DCUN1D1: variants seen among roughly 807,000 people sequenced by gnomAD.
The protein encoded by DCUN1D1 is defective in cullin neddylation 1 domain containing 1.
Under a neutral mutation model 39.0 loss-of-function variants are expected in DCUN1D1, and 3 were observed. That is an observed-to-expected ratio of 0.08 (90% CI 0.04 to 0.20). The LOEUF is 0.20. Ranked by LOEUF, DCUN1D1 falls within the 10% of genes least tolerant of loss-of-function variation. The probability of loss-of-function intolerance (pLI) is 1.00; values close to 1 mark genes in which losing one functional copy is unlikely to be tolerated. For missense variants in DCUN1D1, 158 were observed against 302.4 expected (o/e 0.52, Z 3.54); for synonymous variants, 82 against 96.3 (o/e 0.85, Z 0.87).
At chr3:182,948,518 G>A (rs1435184428) in intron 4 of DCUN1D1, among the ~76,000 whole-genome samples, 1 of 152,182 alleles carries the variant, frequency 6.6e-6, no homozygotes, top group African/African-American at 2.4e-5. Context: ...TCACATGACA[G>A]AGAACTACAC....
chr3:182,955,165 CG>C (rs931824379), intron 4 of DCUN1D1, among the ~76,000 whole-genome samples: 1 of 151,948 alleles, frequency 6.6e-6, no homozygotes, highest in African/African-American at 2.4e-5. Flanking sequence ...CTCAGCCTTC[CG>C]AGTAGCTAGG....
chr3:182,960,764 G>A (rs1468410923), intron 4 of DCUN1D1, among the ~76,000 whole-genome samples: 1 of 152,136 alleles, frequency 6.6e-6, no homozygotes, highest in Admixed American at 6.5e-5. Flanking sequence ...TGGATAATAA[G>A]ACTATGAATG....
At chr3:182,954,397 A>C (rs1234198997) in intron 4 of DCUN1D1, among the ~76,000 whole-genome samples, 1 of 152,220 alleles carries the variant, frequency 6.6e-6, no homozygotes, top group African/African-American at 2.4e-5. Context: ...GAACAGAAAC[A>C]TGGGTAGTAA....
At chr3:182,963,841 C>A in intron 3 of DCUN1D1, 40 bp downstream of exon 3, 1 of 1,478,166 alleles carries the variant, frequency 6.8e-7, no homozygotes, top group Non-Finnish European at 9.2e-7. Flanking sequence ...TTCAGTTCCA[C>A]AGTAACATAT....
intron 1 of DCUN1D1, among the ~76,000 whole-genome samples, chr3:182,970,153 G>A (rs1312332849): frequency 6.6e-6 from 1 of 152,030 alleles, no homozygotes; most frequent in Non-Finnish European, 1.5e-5. Flanking sequence ...AGCTACATGG[G>A]AGGCTGAGGT....
chr3:182,962,227 G>A (rs1325942735), intron 3 of DCUN1D1, among the ~76,000 whole-genome samples: 8 of 152,220 alleles, frequency 5.3e-5, no homozygotes, highest in Non-Finnish European at 1.2e-4. Context: ...TTCAGGATGG[G>A]CCTGGCTTTG....
At chr3:182,954,288 T>A (rs533130927) in intron 4 of DCUN1D1, among the ~76,000 whole-genome samples, 1 of 152,350 alleles carries the variant, frequency 6.6e-6, no homozygotes. Context: ...TTCACAGAAC[T>A]ATTTTGCTAC....
At chr3:182,980,543 G>C, upstream of DCUN1D1, 1 of 1,190,130 alleles carries the variant, frequency 8.4e-7, no homozygotes, top group Non-Finnish European at 1.1e-6. Context: ...GCGAATGGAC[G>C]GCGGCGGCGG....
intron 4 of DCUN1D1, chr3:182,955,463 T>C (rs1035049393): frequency 2.0e-5 from 11 of 539,634 alleles, no homozygotes; most frequent in Non-Finnish European, 4.1e-5. Context: ...CGTTATGAGA[T>C]AAGAATCCTC....
At chr3:182,976,450 C>T (rs1289633856) in intron 1 of DCUN1D1, among the ~76,000 whole-genome samples, 6 of 33,648 alleles carry the variant, frequency 1.8e-4, no homozygotes, top group Admixed American at 1.1e-3. Context: ...TACATACACA[C>T]ACACACACAC....
chr3:182,980,076 C>G (rs1728455502), intron 1 of DCUN1D1: 1 of 891,566 alleles, frequency 1.1e-6, no homozygotes. Flanking sequence ...GGCTACTCAC[C>G]CGGAACCCCA....
intron 1 of DCUN1D1, among the ~76,000 whole-genome samples, chr3:182,970,325 G>A (rs1053804805): frequency 2.0e-5 from 3 of 151,964 alleles, no homozygotes; most frequent in Non-Finnish European, 4.4e-5. Context: ...TTTATCTGAA[G>A]AAAAAATAAT....
intron 1 of DCUN1D1, among the ~76,000 whole-genome samples, chr3:182,965,967 T>C (rs550630744): frequency 7.2e-5 from 11 of 152,090 alleles, no homozygotes; most frequent in African/African-American, 2.7e-4. Context: ...GGAAGAGAAA[T>C]AGGACAGAAG....
At chr3:182,975,864 A>C (rs1429585802) in intron 1 of DCUN1D1, among the ~76,000 whole-genome samples, 1 of 151,164 alleles carries the variant, frequency 6.6e-6, no homozygotes, top group African/African-American at 2.4e-5. Context: ...AAAAAAAAAA[A>C]AAAAAAAAAA....
intron 4 of DCUN1D1, 48 bp from the exon 5 acceptor site, chr3:182,947,680 T>G (rs1257451442): frequency 9.0e-7 from 1 of 1,116,238 alleles, no homozygotes; most frequent in East Asian, 2.5e-5. Flanking sequence ...TAAATATTTG[T>G]CCCTGCAAAA....
chr3:182,977,926 G>A (rs1728323433), intron 1 of DCUN1D1, among the ~76,000 whole-genome samples: 1 of 151,646 alleles, frequency 6.6e-6, no homozygotes, highest in Admixed American at 6.6e-5. Context: ...TATAATCCCA[G>A]CTACTTGGGA....
chr3:182,956,204 G>T, intron 4 of DCUN1D1: 1 of 256,320 alleles, frequency 3.9e-6, no homozygotes, highest in Non-Finnish European at 8.0e-6. Context: ...TAGGATTATA[G>T]GCGTGAGCCA....
chr3:182,960,522 A>T (rs146488536), intron 4 of DCUN1D1, among the ~76,000 whole-genome samples: 19 of 152,266 alleles, frequency 1.2e-4, no homozygotes, highest in Admixed American at 1.2e-3. Context: ...CCTTTAGTTC[A>T]TATCCCACCT....
Position 182,938,716 on chromosome 3 carries a change from G to A in DCUN1D1, c.*6378C>T, listed in dbSNP as rs1227998149. 2.0e-5 allele frequency: 3 copies of A among 152,170 alleles called. No homozygotes were observed. Among genetic ancestry groups the A allele is most frequent in the Non-Finnish European group, 2.9e-5 (2 of 68,032 alleles). The allele number at this position is 152,170 out of a possible 1,614,324, so 9.4% of individuals were successfully genotyped here. ...TGTATAAGAACACAGGCAGCTGGCA[G>A]CAACTAAATGGTATCAACTAAATTT... On this transcript the variant is annotated 3_prime_UTR_variant, in exon 7 of 7. Coordinates refer to ENST00000292782, the MANE Select transcript of DCUN1D1 (RefSeq NM_020640.4).
Sources: gnomAD v4.1 joint callset for allele counts (sites outside exome capture counted in the v4.1 genomes callset) on GRCh38, gnomAD v4.1.1 for gene constraint, MANE v1.5 for transcripts, NCBI Gene and HGNC (gene_info 2026-07-23, HGNC 2026-07-21) for gene names.